Variants in ATXN7L1 observed in about 807,000 individuals in gnomAD.
ATXN7L1 encodes ataxin-7-like protein 1.
A neutral mutation model predicts 70.8 loss-of-function variants in ATXN7L1; 15 were observed. The ratio of observed to expected loss-of-function variants is 0.21; its 90% CI spans 0.14 to 0.33. The LOEUF (loss-of-function observed/expected upper bound fraction) is 0.33, where lower values mean the gene tolerates loss of function less well. Among genes scored for constraint, ATXN7L1 ranks in the 10% least tolerant of loss-of-function variants. The pLI, the probability that ATXN7L1 is intolerant of heterozygous loss-of-function variation, is 1.00. For missense variants in ATXN7L1, 975 were observed against 1,097.1 expected (o/e 0.89, Z 1.57); for synonymous variants, 440 against 445.1 (o/e 0.99, Z 0.14).
intron 3 of ATXN7L1, among the ~76,000 whole-genome samples, chr7:105,751,877 G>C (rs1799257733): frequency 6.6e-6 from 1 of 152,134 alleles, no homozygotes; most frequent in South Asian, 2.1e-4. Context: ...CAAAATCACT[G>C]GAATCTCTTT....
chr7:105,733,681 CCCAT>C (rs1563049263), intron 3 of ATXN7L1, among the ~76,000 whole-genome samples: 2 of 6,454 alleles, frequency 3.1e-4, no homozygotes, highest in Non-Finnish European at 6.6e-4. Flanking sequence ...CATCCATCCA[CCCAT>C]CCACCCATCC....
intron 2 of ATXN7L1, among the ~76,000 whole-genome samples, chr7:105,847,357 T>A (rs1416186680): frequency 1.3e-5 from 2 of 152,134 alleles, no homozygotes; most frequent in African/African-American, 4.8e-5. Context: ...AGAAATCATA[T>A]CCTGGTATCT....
chr7:105,801,371 A>G (rs1320061778), intron 2 of ATXN7L1, among the ~76,000 whole-genome samples: 1 of 152,196 alleles, frequency 6.6e-6, no homozygotes, highest in Non-Finnish European at 1.5e-5. Context: ...ACAGATGACT[A>G]GACCCCATCT....
At chr7:105,690,609 C>T (rs1376132864) in intron 3 of ATXN7L1, among the ~76,000 whole-genome samples, 2 of 152,110 alleles carry the variant, frequency 1.3e-5, no homozygotes, top group East Asian at 1.9e-4. Flanking sequence ...ATATTTAACC[C>T]GAGGCACAAT....
At chr7:105,682,754 G>A (rs570739855) in intron 3 of ATXN7L1, among the ~76,000 whole-genome samples, 19 of 152,216 alleles carry the variant, frequency 1.2e-4, no homozygotes, top group African/African-American at 4.6e-4. Flanking sequence ...GATAAGAAAA[G>A]CAGATTGGTG....
intron 3 of ATXN7L1, among the ~76,000 whole-genome samples, chr7:105,745,484 G>C (rs1347202158): frequency 6.6e-6 from 1 of 152,192 alleles, no homozygotes; most frequent in Non-Finnish European, 1.5e-5. Context: ...TAACATTACA[G>C]CTGGAAGGAA....
chr7:105,761,416 G>A, intron 3 of ATXN7L1: 4 of 1,614,100 alleles, frequency 2.5e-6, no homozygotes, highest in South Asian at 1.1e-5. Context: ...CTGCTCTCTG[G>A]TCCACTCCTG....
chr7:105,612,983 G>A (rs912362379), intron 10 of ATXN7L1, among the ~76,000 whole-genome samples: 3 of 152,046 alleles, frequency 2.0e-5, no homozygotes, highest in African/African-American at 4.8e-5. Flanking sequence ...CAGGTTGGCC[G>A]GCCCTCTCGT....
rs569838987 is a variant in ATXN7L1 at position 105,847,631 on chromosome 7, G to T, written c.250+28181C>A. Among the ~76,000 whole-genome samples the T allele has an allele frequency of 5.9e-5, 9 of 152,348 alleles. No individual in the cohort carries two copies. The East Asian group carries it at 1.7e-3, about 29-fold the overall frequency. On this transcript the variant is annotated intron_variant, in intron 2 of 11. Coordinates refer to ENST00000419735, the MANE Select transcript of ATXN7L1 (RefSeq NM_020725.2). ...GACAGTAGAAAGTACATGGGTGGTAGAGATGAACAGATCCAGGTTCAAATC... is the reference window on the plus strand; with the variant it reads ...GACAGTAGAAAGTACATGGGTGGTATAGATGAACAGATCCAGGTTCAAATC...
chr7:105,612,457 C>A (rs1157069466), intron 10 of ATXN7L1, among the ~76,000 whole-genome samples: 1 of 152,144 alleles, frequency 6.6e-6, no homozygotes, highest in African/African-American at 2.4e-5. Context: ...CCTGCCCAGG[C>A]CTGCTGATTG....
intron 2 of ATXN7L1, among the ~76,000 whole-genome samples, chr7:105,841,639 G>T (rs1014512242): frequency 4.6e-5 from 7 of 152,052 alleles, no homozygotes; most frequent in African/African-American, 1.7e-4. Context: ...CTCGGTGCTT[G>T]CATTCAAGTA....
chr7:105,622,187 T>A (rs1222660815), intron 8 of ATXN7L1, among the ~76,000 whole-genome samples: 1 of 152,224 alleles, frequency 6.6e-6, no homozygotes, highest in Non-Finnish European at 1.5e-5. Flanking sequence ...CACAAATCTG[T>A]GGCCTTTCCA....
At chr7:105,827,565 T>A (rs7805810) in intron 2 of ATXN7L1, among the ~76,000 whole-genome samples, 1 of 152,186 alleles carries the variant, frequency 6.6e-6, no homozygotes, top group South Asian at 2.1e-4. Flanking sequence ...TTGTGAGACA[T>A]GAAACTCGCC....
chr7:105,855,877 G>GA (rs1301694870), intron 2 of ATXN7L1, among the ~76,000 whole-genome samples: 4 of 152,130 alleles, frequency 2.6e-5, no homozygotes, highest in African/African-American at 9.7e-5. Flanking sequence ...TAAAGTCTAT[G>GA]AAAAAACTGT....
chr7:105,619,349 A>C (rs1191155679), intron 9 of ATXN7L1, among the ~76,000 whole-genome samples: 4 of 145,960 alleles, frequency 2.7e-5, no homozygotes, highest in African/African-American at 1.0e-4. Context: ...GGGTTTCACT[A>C]TGTTGGCCAG....
At chr7:105,753,193 C>T (rs185480874) in intron 3 of ATXN7L1, among the ~76,000 whole-genome samples, 1 of 152,116 alleles carries the variant, frequency 6.6e-6, no homozygotes, top group Admixed American at 6.6e-5. Context: ...GAGATAGGGG[C>T]GGTTGTAGAA....
chr7:105,836,950 C>A (rs560669419), intron 2 of ATXN7L1, among the ~76,000 whole-genome samples: 212 of 152,060 alleles, frequency 1.4e-3, no homozygotes, highest in African/African-American at 5.0e-3. Context: ...CCCAGCTACT[C>A]GGGAGGCTGA....
chr7:105,663,206 TC>T (rs764788392), intron 4 of ATXN7L1, among the ~76,000 whole-genome samples: 23 of 152,186 alleles, frequency 1.5e-4, no homozygotes, highest in Non-Finnish European at 3.2e-4. Flanking sequence ...AACACCACTC[TC>T]CGGCTGAGTC....
intron 3 of ATXN7L1, among the ~76,000 whole-genome samples, chr7:105,747,615 C>T (rs1025913408): frequency 6.6e-5 from 10 of 152,202 alleles, no homozygotes; most frequent in African/African-American, 2.2e-4. Flanking sequence ...CAACTTGAAG[C>T]CAGTAGGCCA....
Sources: allele counts gnomAD v4.1 joint callset (sites outside exome capture counted in the v4.1 genomes callset), GRCh38; gene constraint gnomAD v4.1.1; transcripts MANE v1.5; gene names NCBI Gene and HGNC (gene_info 2026-07-23, HGNC 2026-07-21).